The following NIPSNAP2 variants were observed in gnomAD, a reference collection of about 807,000 sequenced individuals.
NIPSNAP2 encodes the protein protein NipSnap homolog 2.
Under a neutral mutation model 48.4 loss-of-function variants are expected in NIPSNAP2, and 42 were observed. The ratio of observed to expected loss-of-function variants is 0.87; its 90% confidence interval spans 0.68 to 1.12. The LOEUF is 1.12. NIPSNAP2 is among the 50% of genes most tolerant of loss of function. The pLI, the probability that NIPSNAP2 is intolerant of heterozygous loss-of-function variation, is 0.00. For synonymous variants in NIPSNAP2, 158 were observed against 126.6 expected, an observed-to-expected ratio of 1.25 and a Z score of -1.67; for missense variants, 314 against 347.3, an observed-to-expected ratio of 0.90 and a Z score of 0.76.
chr7:55,965,386 A>G (rs1042399511), intron 1 of NIPSNAP2, among the ~76,000 whole-genome samples: 2 of 152,122 alleles, frequency 1.3e-5, no homozygotes, highest in South Asian at 4.1e-4. Flanking sequence ...TGGTTGTCCA[A>G]ATTCATCACC....
At chr7:55,997,995 G>A (rs1787597631) in intron 9 of NIPSNAP2, among the ~76,000 whole-genome samples, 1 of 152,174 alleles carries the variant, frequency 6.6e-6, no homozygotes, top group Non-Finnish European at 1.5e-5. Flanking sequence ...GGCATTGGTA[G>A]AGGTAATCAG....
chr7:55,979,996 C>G (rs1787179964), intron 3 of NIPSNAP2: 1 of 383,058 alleles, frequency 2.6e-6, no homozygotes, highest in Non-Finnish European at 5.2e-6. Context: ...GTTGCCAGGC[C>G]CCTTTCTGGA....
intron 6 of NIPSNAP2, 56 bp downstream of exon 6, chr7:55,983,924 T>G (rs1005848292): frequency 1.3e-6 from 2 of 1,537,032 alleles, no homozygotes; most frequent in African/African-American, 2.7e-5. Flanking sequence ...AGCACAAGCA[T>G]TTTGTAAGGC....
chr7:55,973,916 A>G (rs1171215038), intron 1 of NIPSNAP2, among the ~76,000 whole-genome samples: 2 of 152,146 alleles, frequency 1.3e-5, no homozygotes, highest in East Asian at 3.8e-4. Context: ...TTGCTCTGTA[A>G]TGTTTGTTCA....
At chr7:55,975,465 G>C (rs959107306) in intron 1 of NIPSNAP2, among the ~76,000 whole-genome samples, 1 of 152,148 alleles carries the variant, frequency 6.6e-6, no homozygotes, top group African/African-American at 2.4e-5. Flanking sequence ...GAATTCAGAA[G>C]GCTACCCTTC....
At chr7:55,978,456 TC>T in intron 3 of NIPSNAP2, 61 bp downstream of exon 3, 2 of 1,363,428 alleles carry the variant, frequency 1.5e-6, no homozygotes, top group Non-Finnish European at 2.0e-6. Flanking sequence ...GTTAGTTAAT[TC>T]CACTAACACT....
At chr7:55,968,384 CTTTTTTT>C (rs558409351) in intron 1 of NIPSNAP2, among the ~76,000 whole-genome samples, 1 of 139,942 alleles carries the variant, frequency 7.1e-6, no homozygotes, top group African/African-American at 2.6e-5. Flanking sequence ...ACTCTACTTT[CTTTTTTT>C]TTTTTTTTTC....
intron 5 of NIPSNAP2, among the ~76,000 whole-genome samples, chr7:55,983,200 G>C (rs1206566468): frequency 6.6e-6 from 1 of 152,092 alleles, no homozygotes; most frequent in Non-Finnish European, 1.5e-5. Flanking sequence ...AATTAGCTCT[G>C]GATGACCTAA....
intron 7 of NIPSNAP2, 86 bp from the exon 8 acceptor site, chr7:55,994,808 C>T: frequency 9.2e-7 from 1 of 1,090,152 alleles, no homozygotes; most frequent in Non-Finnish European, 1.4e-6. Flanking sequence ...AACAGCCTGC[C>T]CTGAGTATGG....
In NIPSNAP2 at chr7:55,964,619, C is replaced by A; in HGVS notation, c.10C>A (p.Arg4=). The A allele has an allele frequency of 9.6e-7, 1 of 1,045,970 alleles. No individual in the cohort carries two copies. The highest frequency in any genetic ancestry group is 1.1e-6 in the Non-Finnish European group (1 of 870,814). 64.8% of individuals were successfully genotyped at this position (1,045,970 alleles called of 1,614,324 possible). A position where few individuals can be genotyped will look rare whatever the true frequency, so the allele number is the denominator to read the frequency against. The change falls in exon 1 of 10, where the codon CGA becomes AGA. Residue 4 remains arginine, a synonymous_variant. Coordinates refer to ENST00000322090, the MANE Select transcript of NIPSNAP2 (RefSeq NM_001483.3). ...CGAGGCGCCGAGCAAGATGGCGGCG[C>A]GAGTGCTGCGCGCCCGCGGAGCGGC... The part of the protein sequence containing the change: MAA[R]VLRARGAAWA...
intron 1 of NIPSNAP2, among the ~76,000 whole-genome samples, chr7:55,974,237 G>A (rs1211391988): frequency 7.1e-6 from 1 of 140,978 alleles, no homozygotes; most frequent in East Asian, 2.1e-4. Flanking sequence ...AATAAATAAA[G>A]CAGCAAACTG....
At chr7:55,975,556 G>T (rs958918738) in intron 1 of NIPSNAP2, among the ~76,000 whole-genome samples, 1 of 152,128 alleles carries the variant, frequency 6.6e-6, no homozygotes, top group Non-Finnish European at 1.5e-5. Flanking sequence ...TAGAGATGGG[G>T]AGAGGGGTTG....
intron 1 of NIPSNAP2, among the ~76,000 whole-genome samples, chr7:55,974,788 C>T (rs1787076173): frequency 6.8e-6 from 1 of 147,806 alleles, no homozygotes; most frequent in Non-Finnish European, 1.5e-5. Context: ...GCGGAGCTTG[C>T]AGTGAGCCAA....
At position 55,978,242 on chromosome 7, in the gene NIPSNAP2, C is replaced by T. The variant is rs1787141566; in HGVS notation, c.209C>T (p.Thr70Ile). 1.9e-6 allele frequency: 3 copies of T among 1,614,128 alleles called. No homozygotes were observed. The highest frequency in any genetic ancestry group is 4.5e-5 in the East Asian group (2 of 44,878). ...AHSNLLAKKE[T>I]SNLYKLQFHN... ...TCCAATCTCCTAGCCAAAAAGGAAA[C>T]AAGCAATCTATACAAATTACAGTGT... The change falls in exon 2 of 10, where the codon ACA (threonine) becomes ATA (isoleucine). Residue 70 changes from threonine to isoleucine, a missense_variant. Thr to Ile is a moderately conservative substitution (Grantham distance 89, BLOSUM62 -1). Transcript: ENST00000322090.
chr7:55,998,256 A>G (rs1366794694), intron 9 of NIPSNAP2, among the ~76,000 whole-genome samples: 1 of 152,088 alleles, frequency 6.6e-6, no homozygotes, highest in Non-Finnish European at 1.5e-5. Context: ...CTCAAAAAAA[A>G]AAAAGTGTAT....
chr7:55,998,594 G>A (rs890922088), intron 9 of NIPSNAP2, among the ~76,000 whole-genome samples: 8 of 132,742 alleles, frequency 6.0e-5, no homozygotes, highest in Non-Finnish European at 1.2e-4. Flanking sequence ...TCCGCCTCCC[G>A]GTTTCAAGCG....
At chr7:55,965,060 C>T (rs531431017) in intron 1 of NIPSNAP2, 72 of 154,484 alleles carry the variant, frequency 4.7e-4, no homozygotes, top group Middle Eastern at 3.3e-3. Context: ...GGCCGCAGGC[C>T]CCGGACGCCG....
intron 7 of NIPSNAP2, among the ~76,000 whole-genome samples, chr7:55,986,997 A>C (rs1049943614): frequency 9.4e-5 from 14 of 148,924 alleles, no homozygotes; most frequent in East Asian, 6.0e-4. Flanking sequence ...AAAAAAAAAA[A>C]AAAAAAAAAA....
Position 55,985,251 on chromosome 7 carries a change from A to G in NIPSNAP2, c.617+373A>G, listed in dbSNP as rs1366516056. On this transcript the variant is annotated intron_variant, in intron 7 of 9. Coordinates refer to ENST00000322090, the MANE Select transcript of NIPSNAP2 (RefSeq NM_001483.3). ...TTTTTAAAAGCAAAACCAATATTGC[A>G]TAAGGTTAGTTTACATACTTCTTGG... Among the ~76,000 whole-genome samples, 3 of 152,224 alleles carry G rather than the reference A, an allele frequency of 2.0e-5. No homozygotes were observed. In the East Asian group the frequency reaches 5.8e-4, roughly 29 times the overall value.
Sources: allele counts gnomAD v4.1 joint callset (sites outside exome capture counted in the v4.1 genomes callset), GRCh38; gene constraint gnomAD v4.1.1; transcripts MANE v1.5; gene names NCBI Gene and HGNC (gene_info 2026-07-23, HGNC 2026-07-21).